MEGF11: variants seen among roughly 807,000 people sequenced by gnomAD.
MEGF11 encodes the protein multiple epidermal growth factor-like domains protein 11.
MEGF11 carries 126 observed loss-of-function variants against 146.6 expected under a neutral mutation model. The observed-to-expected ratio is 0.86, with a 90% CI of 0.74 to 1.00. The LOEUF (loss-of-function observed/expected upper bound fraction) is 1.00. Among genes scored for constraint, MEGF11 ranks in the 50% least tolerant of loss-of-function variants. The pLI is 0.00. For synonymous variants in MEGF11, 532 were observed against 583.4 expected (o/e 0.91, Z 1.27); for missense variants, 1,509 against 1,521.2 (o/e 0.99, Z 0.13).
chr15:65,906,228 C>A (rs527930979), intron 23 of MEGF11, 87 bp from the exon 24 acceptor site: 780 of 877,636 alleles, frequency 8.9e-4, no homozygotes, highest in Non-Finnish European at 1.2e-3. Flanking sequence ...TCTTGCTTTT[C>A]CCCCCCCTTC....
intron 1 of MEGF11, among the ~76,000 whole-genome samples, chr15:66,191,271 T>A (rs1370962338): frequency 6.6e-6 from 1 of 152,218 alleles, no homozygotes; most frequent in African/African-American, 2.4e-5. Context: ...CTCTCCGGGC[T>A]GGCCATTTAA....
intron 5 of MEGF11, among the ~76,000 whole-genome samples, chr15:66,046,387 C>T (rs987146763): frequency 2.6e-5 from 4 of 152,210 alleles, no homozygotes; most frequent in African/African-American, 9.7e-5. Flanking sequence ...CCCCAGACTC[C>T]AGAAGTGTAG....
rs973323722 is a variant in MEGF11, at chr15:66,096,766, C to G, written c.302-2272G>C. 2.0e-5 allele frequency among the ~76,000 whole-genome samples: 3 copies of G among 152,158 alleles called. No individual in the cohort carries two copies. The South Asian group carries it at 6.2e-4, about 31-fold the overall frequency. On this transcript the variant is annotated intron_variant, in intron 4 of 25. Coordinates refer to ENST00000395614, the MANE Select transcript of MEGF11 (RefSeq NM_001385028.1). Reference sequence around the variant, plus strand: ...CAATGACCAGCCTGCCCCCTGCTCCCGATCCTAGAGACCCAGCCCATCTGC... The same window carrying G: ...CAATGACCAGCCTGCCCCCTGCTCCGGATCCTAGAGACCCAGCCCATCTGC...
chr15:66,175,401 C>T lies in MEGF11; in HGVS notation c.-8-46990G>A, dbSNP rs145821675. Among the ~76,000 whole-genome samples the T allele has an allele frequency of 2.4e-3, 360 of 152,268 alleles. 2 individuals are homozygous for T. The highest frequency in any genetic ancestry group is 8.5e-3 in the African/African-American group (351 of 41,528). On this transcript the variant is annotated intron_variant, in intron 1 of 25. Coordinates refer to ENST00000395614, the MANE Select transcript of MEGF11 (RefSeq NM_001385028.1). ...CAAAAAGACAAAGCTGGGGGCACCA[C>T]ACTACCTGACTTCAAAATGGACTGC...
chr15:66,249,856 C>T (rs1371929446), intron 1 of MEGF11, among the ~76,000 whole-genome samples: 2 of 152,210 alleles, frequency 1.3e-5, no homozygotes, highest in African/African-American at 4.8e-5. Flanking sequence ...AAGCCCTCCA[C>T]ACTGAAATCT....
chr15:66,172,104 G>A (rs951523820), intron 1 of MEGF11, among the ~76,000 whole-genome samples: 18 of 152,316 alleles, frequency 1.2e-4, no homozygotes, highest in African/African-American at 4.1e-4. Context: ...GATGGTGGCG[G>A]TGGATGGCTC....
At chr15:65,985,800 G>A (rs76936335) in intron 5 of MEGF11, among the ~76,000 whole-genome samples, 7,210 of 151,914 alleles carry the variant, frequency 0.047, 277 homozygotes, top group Non-Finnish European at 0.069. Flanking sequence ...CAGCATTCAT[G>A]GTACCCTACG....
At chr15:66,026,547 G>A (rs944755776) in intron 5 of MEGF11, among the ~76,000 whole-genome samples, 3 of 152,106 alleles carry the variant, frequency 2.0e-5, no homozygotes, top group African/African-American at 7.2e-5. Flanking sequence ...GCAGTGGCGC[G>A]ATCTTGGCTC....
At chr15:65,983,664 T>G (rs1397198010) in intron 5 of MEGF11, among the ~76,000 whole-genome samples, 1 of 152,234 alleles carries the variant, frequency 6.6e-6, no homozygotes, top group Non-Finnish European at 1.5e-5. Flanking sequence ...CTTTCAGCAC[T>G]GAAAGTTCCA....
chr15:66,217,921 C>T (rs1390137417), intron 1 of MEGF11, among the ~76,000 whole-genome samples: 1 of 152,208 alleles, frequency 6.6e-6, no homozygotes, highest in East Asian at 1.9e-4. Flanking sequence ...TGTCCCTATT[C>T]ACCCCACAGC....
Position 66,068,644 on chromosome 15 carries a change from TC to T in MEGF11, c.394+25757del, listed in dbSNP as rs1483022611. Among the ~76,000 whole-genome samples the T allele has an allele frequency of 2.0e-5, 3 of 152,286 alleles. No individual in the cohort carries two copies. In the East Asian group the frequency reaches 5.8e-4, roughly 29 times the overall value. On this transcript the variant is annotated intron_variant, in intron 5 of 25. Coordinates refer to ENST00000395614, the MANE Select transcript of MEGF11 (RefSeq NM_001385028.1). ...CAGTGCTCTTTCCACCTGGCCCTTG[TC>T]TTTCATGGCCCACTGTCCAAGCCTC...
At chr15:66,207,242 C>T (rs1002328697) in intron 1 of MEGF11, among the ~76,000 whole-genome samples, 11 of 152,142 alleles carry the variant, frequency 7.2e-5, no homozygotes, top group Non-Finnish European at 1.5e-4. Flanking sequence ...GAGATCCACA[C>T]CTAGACACAT....
At chr15:66,227,883 C>T (rs1171079623) in intron 1 of MEGF11, among the ~76,000 whole-genome samples, 3 of 152,326 alleles carry the variant, frequency 2.0e-5, no homozygotes, top group Admixed American at 2.0e-4. Flanking sequence ...TGGGCCCAGC[C>T]AGCCTCTGGG....
At chr15:65,952,077 CTAT>C (rs755682352) in intron 10 of MEGF11, among the ~76,000 whole-genome samples, 5 of 152,084 alleles carry the variant, frequency 3.3e-5, no homozygotes, top group Admixed American at 6.5e-5. Flanking sequence ...TATAATTGTT[CTAT>C]TATTAGTTAT....
intron 8 of MEGF11, among the ~76,000 whole-genome samples, chr15:65,968,216 G>A (rs920390654): frequency 2.0e-5 from 3 of 152,108 alleles, no homozygotes; most frequent in Admixed American, 2.0e-4. Flanking sequence ...GGGAAACTGA[G>A]GCAGAAGGGG....
At chr15:66,240,758 A>G (rs527769548) in intron 1 of MEGF11, among the ~76,000 whole-genome samples, 61 of 152,318 alleles carry the variant, frequency 4.0e-4, no homozygotes, top group African/African-American at 1.5e-3. Context: ...TCAAATCCAC[A>G]TTGAAAGAGG....
intron 4 of MEGF11, among the ~76,000 whole-genome samples, chr15:66,113,382 T>C (rs1567247012): frequency 6.6e-6 from 1 of 152,134 alleles, no homozygotes; most frequent in African/African-American, 2.4e-5. Flanking sequence ...AAGCCACCAC[T>C]GAAAGGGCCA....
chr15:66,008,411 GCACACACA>G (rs995843726), intron 5 of MEGF11, among the ~76,000 whole-genome samples: 5 of 52,110 alleles, frequency 9.6e-5, no homozygotes, highest in African/African-American at 2.4e-4. Context: ...ACGCGCGCGC[GCACACACA>G]CACACACACA....
rs991686212 is a variant in MEGF11 at position 66,123,880 on chromosome 15, A to G, written c.200+19T>C. 1.2e-6 allele frequency: 2 copies of G among 1,602,632 alleles called. No individual in the cohort carries two copies. Among genetic ancestry groups the G allele is most frequent in the African/African-American group, 2.7e-5 (2 of 74,664 alleles). ...CCCAGTGCCTTTTCCCTGCCCCATCATCTGAGAGAGGTACTCACCGGTGCC... is the reference window on the plus strand; with the variant it reads ...CCCAGTGCCTTTTCCCTGCCCCATCGTCTGAGAGAGGTACTCACCGGTGCC... On this transcript the variant is annotated intron_variant, in intron 3 of 25. Transcript: ENST00000395614.
Sources: gnomAD v4.1 joint callset for allele counts (sites outside exome capture counted in the v4.1 genomes callset) on GRCh38, gnomAD v4.1.1 for gene constraint, MANE v1.5 for transcripts, NCBI Gene and HGNC (gene_info 2026-07-23, HGNC 2026-07-21) for gene names.